The following MUC5AC variants were observed in gnomAD, a reference collection of about 807,000 sequenced individuals.
MUC5AC encodes the protein mucin-5AC.
Under a neutral mutation model 169.7 loss-of-function variants are expected in MUC5AC, and 158 were observed. The ratio of observed to expected loss-of-function variants is 0.93; its 90% CI spans 0.82 to 1.06. The LOEUF is 1.06. MUC5AC is among the 50% of genes least tolerant of loss of function. MUC5AC has a pLI of 0.00. For synonymous variants in MUC5AC, 1,975 were observed against 1,237.0 expected (o/e 1.60, Z -12.52); for missense variants, 4,359 against 3,089.9 (o/e 1.41, Z -9.74).
intron 15 of MUC5AC, among the ~76,000 whole-genome samples, chr11:1,171,912 C>T (rs1352492981): frequency 1.3e-5 from 2 of 152,008 alleles, no homozygotes; most frequent in East Asian, 3.9e-4. Context: ...TTCACCCACT[C>T]ACCTACTCAC....
rs1464458886 is a variant in MUC5AC, at chr11:1,187,284, T to G, written c.9139T>G (p.Ser3047Ala). 1.4e-6 allele frequency: 1 copy of G among 711,776 alleles called. No individual in the cohort carries two copies. The allele number at this position is 711,776 out of a possible 1,614,324, so 44.1% of individuals were successfully genotyped here. The change falls in exon 31 of 49, where the codon TCT becomes GCT. Residue 3047 changes from serine (S) to alanine (A), a missense_variant. Coordinates refer to ENST00000621226, the MANE Select transcript of MUC5AC (RefSeq NM_001304359.2). ...TSTPTSSTTS[S>A]PQTSTTSAST... ...TACCCCTACAAGCAGCACAACCTCC[T>G]CTCCACAGACCAGCACAACCTCGGC...
chr11:1,189,106 C>T lies in MUC5AC; in HGVS notation c.10961C>T (p.Ser3654Phe), dbSNP rs1861020956. The change falls in exon 31 of 49, where the codon TCC (serine) becomes TTC (phenylalanine). Residue 3654 changes from serine to phenylalanine, a missense_variant. By Grantham distance (155) the Ser-to-Phe change is radical. Transcript: ENST00000621226. The part of the protein sequence containing the change: ...PTQSTSSWQK[S>F]RTTTLVTSSI... Reference sequence around the variant, plus strand: ...CAGAGCACCTCCTCTTGGCAGAAATCCAGGACAACCACTTTGGTGACAAGC... The same window carrying T: ...CAGAGCACCTCCTCTTGGCAGAAATTCAGGACAACCACTTTGGTGACAAGC... 1.7e-6 allele frequency: 1 copy of T among 604,356 alleles called. No individual in the cohort carries two copies. Among genetic ancestry groups the T allele is most frequent in the South Asian group, 2.0e-5 (1 of 49,700 alleles). 37.4% of individuals were successfully genotyped at this position (604,356 alleles called of 1,614,324 possible). A position where few individuals can be genotyped will look rare whatever the true frequency, so the allele number is the denominator to read the frequency against.
chr11:1,172,185 G>A (rs1044398418), intron 15 of MUC5AC, among the ~76,000 whole-genome samples: 15 of 152,362 alleles, frequency 9.8e-5, no homozygotes, highest in South Asian at 4.1e-4. Context: ...GGCTGTGAGG[G>A]GCTGGGTGGG....
rs1427738592 is a variant in MUC5AC at position 1,164,245 on chromosome 11, C to A, written c.929C>A (p.Thr310Asn). ...GACCTGCTCAGCTGCGTCTGCCACACCCTTGCCGAGTACTCCCGGCAGTGC... is the reference window on the plus strand; with the variant it reads ...GACCTGCTCAGCTGCGTCTGCCACAACCTTGCCGAGTACTCCCGGCAGTGC... ...DTDLLSCVCH[T>N]LAEYSRQCTH... The change falls in exon 8 of 49, where the codon ACC becomes AAC. Residue 310 changes from threonine (T) to asparagine (N), a missense_variant. Transcript: ENST00000621226. The A allele has an allele frequency of 1.9e-6, 3 of 1,612,566 alleles. No individual in the cohort carries two copies. The highest frequency in any genetic ancestry group is 3.3e-5 in the Admixed American group (2 of 60,008).
chr11:1,168,831 A>G (rs1305735589), intron 14 of MUC5AC, 31 bp from the exon 15 acceptor site: 1 of 1,578,262 alleles, frequency 6.3e-7, no homozygotes, highest in Non-Finnish European at 8.6e-7. Context: ...GCCAGGGCGC[A>G]TGGTCCTCAA....
chr11:1,199,821 C>A, intron 47 of MUC5AC, 34 bp from the exon 48 acceptor site: 2 of 745,180 alleles, frequency 2.7e-6, no homozygotes, highest in Non-Finnish European at 4.9e-6. Flanking sequence ...CTAGGAGCAG[C>A]TGGGCTGGTC....
chr11:1,165,429 AG>A lies in MUC5AC; in HGVS notation c.1247+11del. ...CAGACTGCACCAACTGGTAGGTCCC[AG>A]CCCCCCTCCAGGCCACCAAGGATGT... On this transcript the variant is annotated intron_variant, in intron 10 of 48. Transcript: ENST00000621226. 6.7e-7 allele frequency: 1 copy of A among 1,500,024 alleles called. No homozygotes were observed. The highest frequency in any genetic ancestry group is 8.8e-7 in the Non-Finnish European group (1 of 1,133,494). The allele number at this position is 1,500,024 out of a possible 1,614,324, so 92.9% of individuals were successfully genotyped here.
chr11:1,178,725 A>G (rs1304604853), intron 25 of MUC5AC, 42 bp downstream of exon 25: 2 of 1,086,678 alleles, frequency 1.8e-6, no homozygotes, highest in Non-Finnish European at 2.4e-6. Flanking sequence ...CAAGGGGGTC[A>G]TGGTGACCCA....
intron 1 of MUC5AC, among the ~76,000 whole-genome samples, chr11:1,158,837 G>T (rs28493170): frequency 2.0e-5 from 3 of 152,274 alleles, no homozygotes; most frequent in South Asian, 2.1e-4. Context: ...CAGGTCCCTC[G>T]CCCAGCCCTG....
Position 1,182,817 on chromosome 11 carries a change from C to T in MUC5AC, c.4672C>T (p.Pro1558Ser), listed in dbSNP as rs1860845594. 2.5e-6 allele frequency: 1 copy of T among 398,324 alleles called. No individual in the cohort carries two copies. Among genetic ancestry groups the T allele is most frequent in the Non-Finnish European group, 4.4e-6 (1 of 225,980 alleles). 24.7% of individuals were successfully genotyped at this position (398,324 alleles called of 1,614,324 possible). Residue 1558 changes from proline (P) to serine (S), a missense_variant, in exon 31 of 49, where the codon CCG becomes TCG. Transcript: ENST00000621226. ...TSTSSMSTTAPGTSVVSSKPT... is the reference protein window; with the variant it reads ...TSTSSMSTTASGTSVVSSKPT... Reference sequence around the variant, plus strand: ...AACATCATCCATGTCGACCACGGCCCCGGGGACCTCTGTGGTCTCCAGCAA... The same window carrying T: ...AACATCATCCATGTCGACCACGGCCTCGGGGACCTCTGTGGTCTCCAGCAA...
Position 1,176,588 on chromosome 11 carries a change from T to G in MUC5AC, c.2577T>G (p.Thr859=). 2 of 399,554 alleles carry G rather than the reference T, an allele frequency of 5.0e-6. No homozygotes were observed. The highest frequency in any genetic ancestry group is 4.4e-6 in the Non-Finnish European group (1 of 226,792). 24.8% of individuals were successfully genotyped at this position (399,554 alleles called of 1,614,324 possible). Residue 859 remains threonine (T), a synonymous_variant, in exon 21 of 49, where the codon ACT becomes ACG. Coordinates refer to ENST00000621226, the MANE Select transcript of MUC5AC (RefSeq NM_001304359.2). ...CGGACGGCGAGGGCGGCTGCATCAC[T>G]GCGGAGGACTGCCCCTGCGTGCACA... ...LVADGEGGCI[T]AEDCPCVHNE...
At chr11:1,198,396 A>G in intron 43 of MUC5AC, 91 bp downstream of exon 43, 1 of 692,572 alleles carries the variant, frequency 1.4e-6, no homozygotes, top group Non-Finnish European at 2.7e-6. Context: ...GCAACTGCCA[A>G]CTCCGGCCGA....
intron 30 of MUC5AC, 99 bp downstream of exon 30, chr11:1,181,558 T>A: frequency 2.5e-6 from 1 of 397,788 alleles, no homozygotes; most frequent in Non-Finnish European, 4.4e-6. Flanking sequence ...GCTCTGGGCA[T>A]GGGCGGCAGC....
Position 1,201,073 on chromosome 11 carries a change from C to G in MUC5AC, c.*371C>G, listed in dbSNP as rs1389264704. 2 of 206,918 alleles carry G rather than the reference C, an allele frequency of 9.7e-6. No individual in the cohort carries two copies. The highest frequency in any genetic ancestry group is 1.9e-5 in the Non-Finnish European group (2 of 103,566). The allele number at this position is 206,918 out of a possible 1,614,324, so 12.8% of individuals were successfully genotyped here. On this transcript the variant is annotated 3_prime_UTR_variant, in exon 49 of 49. Coordinates refer to ENST00000621226, the MANE Select transcript of MUC5AC (RefSeq NM_001304359.2). ...AGAACCTCACTCCTACCTCAGCCCT[C>G]AGCCTGCGCTCCCCTCCTCAGTACA...
chr11:1,193,522 C>T lies in MUC5AC; in HGVS notation c.14618C>T (p.Ala4873Val), dbSNP rs907068131. The T allele has an allele frequency of 9.2e-6, 7 of 757,778 alleles. No individual in the cohort carries two copies. The highest frequency in any genetic ancestry group is 1.7e-5 in the Non-Finnish European group (7 of 414,784). 46.9% of individuals were successfully genotyped at this position (757,778 alleles called of 1,614,324 possible). ...ETWATPNCSEATCEGNNVISL... is the reference protein window; with the variant it reads ...ETWATPNCSEVTCEGNNVISL... The stretch of plus-strand genomic sequence containing the variant: ...TGGGCCACACCCAACTGCTCCGAGG[C>T]CACCTGTGAGGGCAACAACGTCATC... The change falls in exon 33 of 49, where the codon GCC becomes GTC. Residue 4873 changes from alanine (A) to valine (V), a missense_variant. Physicochemically the swap from Ala to Val is moderately conservative, Grantham distance 64. Transcript: ENST00000621226.
At chr11:1,161,814 C>G (rs1024009349) in intron 3 of MUC5AC, 93 bp from the exon 4 acceptor site, 9 of 1,500,162 alleles carry the variant, frequency 6.0e-6, no homozygotes, top group East Asian at 2.4e-5. Context: ...CCTGCAGGAC[C>G]CTGGGGAGGG....
chr11:1,195,402 A>G (rs2133774267), intron 36 of MUC5AC, 123 bp downstream of exon 36: 2 of 417,538 alleles, frequency 4.8e-6, no homozygotes, highest in South Asian at 3.6e-5. Context: ...AGCTGCTGGT[A>G]CCACAGACCA....
chr11:1,199,947 A>G lies in MUC5AC; in HGVS notation c.16678A>G (p.Asn5560Asp), dbSNP rs781553097. The change falls in exon 48 of 49, where the codon AAC becomes GAC. Residue 5560 changes from asparagine (N) to aspartate (D), a missense_variant. Asn to Asp is a conservative substitution (Grantham distance 23). Transcript: ENST00000621226. ...EPVRLAYCRG[N>D]CGDSSSMYSL... ...CGTGCGCCTGGCTTACTGCCGGGGG[A>G]ACTGTGGGGACAGCTCTTCCATGTA... The G allele has an allele frequency of 5.2e-6, 4 of 763,220 alleles. No individual in the cohort carries two copies. The African/African-American group carries it at 6.8e-5, about 13-fold the overall frequency. The allele number at this position is 763,220 out of a possible 1,614,324, so 47.3% of individuals were successfully genotyped here.
chr11:1,164,219 C>G lies in MUC5AC; in HGVS notation c.903C>G (p.Thr301=). The G allele has an allele frequency of 1.2e-6, 2 of 1,612,640 alleles. No individual in the cohort carries two copies. Among genetic ancestry groups the G allele is most frequent in the Non-Finnish European group, 1.7e-6 (2 of 1,179,872 alleles). The part of the protein sequence containing the change: ...CRQDLCFCED[T]DLLSCVCHTL... ...AAGACCTCTGCTTCTGTGAAGACAC[C>G]GACCTGCTCAGCTGCGTCTGCCACA... The change falls in exon 8 of 49, where the codon ACC becomes ACG. Residue 301 remains threonine (T), a synonymous_variant. Transcript: ENST00000621226.
Sources: allele counts gnomAD v4.1 joint callset (sites outside exome capture counted in the v4.1 genomes callset), GRCh38; gene constraint gnomAD v4.1.1; transcripts MANE v1.5; gene names NCBI Gene and HGNC (gene_info 2026-07-23, HGNC 2026-07-21).